MSH4: variants seen among roughly 807,000 people sequenced by gnomAD.
The protein encoded by MSH4 is mutS homolog 4.
Under a neutral mutation model 113.7 loss-of-function variants are expected in MSH4, and 106 were observed. The observed-to-expected ratio is 0.93, with a 90% CI of 0.80 to 1.10. The LOEUF (loss-of-function observed/expected upper bound fraction) is 1.10. MSH4 is among the 50% of genes least tolerant of loss of function. The pLI is 0.00. For missense variants in MSH4, 1,061 were observed against 1,093.7 expected, an observed-to-expected ratio of 0.97 and a Z score of 0.42; for synonymous variants, 368 against 380.2, an observed-to-expected ratio of 0.97 and a Z score of 0.37.
At chr1:75,903,737 G>A (rs11161852) in intron 19 of MSH4, among the ~76,000 whole-genome samples, 40,443 of 151,836 alleles carry the variant, frequency 0.27, 6,949 homozygotes, top group East Asian at 0.69. Flanking sequence ...CACTATTGAC[G>A]TATACAAATG....
chr1:75,878,441 A>C, intron 11 of MSH4, 123 bp downstream of exon 11: 1 of 758,502 alleles, frequency 1.3e-6, no homozygotes, highest in South Asian at 2.1e-5. Context: ...TTACCAAAAC[A>C]TAAGGTTAGC....
intron 9 of MSH4, among the ~76,000 whole-genome samples, chr1:75,870,926 A>G (rs1651699785): frequency 1.3e-5 from 2 of 152,246 alleles, no homozygotes; most frequent in African/African-American, 4.8e-5. Flanking sequence ...AAACTTTGGT[A>G]TGTCAAAAGC....
At chr1:75,859,455 C>T (rs1050756591) in intron 8 of MSH4, among the ~76,000 whole-genome samples, 3 of 152,080 alleles carry the variant, frequency 2.0e-5, no homozygotes, top group South Asian at 2.1e-4. Flanking sequence ...GATTCTGGTA[C>T]GTTGTGTCTT....
In MSH4 at chr1:75,803,960, A is replaced by G. The variant is rs370839813; in HGVS notation, c.427+47A>G. 62 of 1,304,708 alleles carry G rather than the reference A, an allele frequency of 4.8e-5. No homozygotes were observed. In the East Asian group the frequency reaches 7.0e-4, roughly 15 times the overall value. The allele number at this position is 1,304,708 out of a possible 1,614,324, so 80.8% of individuals were successfully genotyped here. On this transcript the variant is annotated intron_variant, in intron 2 of 19. Transcript: ENST00000263187. ...CCTAGATGATGTTTTGAAACTTAAA[A>G]GTTTTATAAATTATAAATTAGGGTT...
chr1:75,870,488 A>C (rs1006498131), intron 9 of MSH4, among the ~76,000 whole-genome samples: 15 of 152,260 alleles, frequency 9.9e-5, no homozygotes, highest in African/African-American at 3.4e-4. Flanking sequence ...CTTGAGTTGT[A>C]ATAATCCCCA....
chr1:75,823,103 G>A (rs1650458512), intron 7 of MSH4, among the ~76,000 whole-genome samples: 1 of 152,130 alleles, frequency 6.6e-6, no homozygotes, highest in East Asian at 1.9e-4. Flanking sequence ...CTAGCTTTTG[G>A]TGGTCGCTGT....
intron 7 of MSH4, among the ~76,000 whole-genome samples, chr1:75,826,276 T>A (rs1650550300): frequency 6.7e-6 from 1 of 149,146 alleles, no homozygotes; most frequent in South Asian, 2.1e-4. Flanking sequence ...TATTCTCTGA[T>A]GTTAGTTTGT....
Position 75,837,348 on chromosome 1 carries a change from C to G in MSH4, c.1163-10861C>G, listed in dbSNP as rs143662658. ...GGAATAAGAGCATTTGTTAGGTGTTCCTCAATCACCTGAAACTTAATGTAC... is the reference window on the plus strand; with the variant it reads ...GGAATAAGAGCATTTGTTAGGTGTTGCTCAATCACCTGAAACTTAATGTAC... On this transcript the variant is annotated intron_variant, in intron 7 of 19. Transcript: ENST00000263187. Among the ~76,000 whole-genome samples the G allele has an allele frequency of 6.3e-3, 948 of 150,110 alleles. 14 individuals are homozygous for G. Among genetic ancestry groups the G allele is most frequent in the Admixed American group, 0.035 (527 of 15,028 alleles).
At position 75,889,259 on chromosome 1, in the gene MSH4, G is replaced by A; in HGVS notation, c.2116G>A (p.Val706Ile). The change falls in exon 16 of 20, where the codon GTT becomes ATT. Residue 706 changes from valine to isoleucine, a missense_variant. By Grantham distance (29) the Val-to-Ile change is conservative (BLOSUM62 3). Transcript: ENST00000263187. Reference protein sequence around the residue: ...CQIMAQIGSYVPAEYSSFRIA... With the variant: ...CQIMAQIGSYIPAEYSSFRIA... ...GACCTTATATTTTACAGGATCATAT[G>A]TTCCAGCAGAATATTCTTCCTTTAG... 7.0e-7 allele frequency: 1 copy of A among 1,427,892 alleles called. No homozygotes were observed. Among genetic ancestry groups the A allele is most frequent in the Admixed American group, 1.8e-5 (1 of 54,184 alleles). The allele number at this position is 1,427,892 out of a possible 1,614,324, so 88.5% of individuals were successfully genotyped here. A position where few individuals can be genotyped will look rare whatever the true frequency, so the allele number is the denominator to read the frequency against.
intron 18 of MSH4, among the ~76,000 whole-genome samples, chr1:75,898,882 T>C (rs1454099817): frequency 2.6e-5 from 4 of 152,334 alleles, no homozygotes; most frequent in South Asian, 2.1e-4. Flanking sequence ...TATCAGATGT[T>C]TAAAATTTAT....
At position 75,864,945 on chromosome 1, in the gene MSH4, T is replaced by C. The variant is rs5745422; in HGVS notation, c.1231-2569T>C. 2.5e-3 allele frequency among the ~76,000 whole-genome samples: 376 copies of C among 152,260 alleles called. 2 individuals are homozygous for C. The highest frequency in any genetic ancestry group is 8.8e-3 in the African/African-American group (367 of 41,554). On this transcript the variant is annotated intron_variant, in intron 8 of 19. Transcript: ENST00000263187. ...AGGCTGGAGGGTATTAGGGAATTGA[T>C]GCCCTGGCAACAGCTCTTAACCAAC...
chr1:75,832,652 A>C (rs1322602126), intron 7 of MSH4, among the ~76,000 whole-genome samples: 1 of 152,276 alleles, frequency 6.6e-6, no homozygotes, highest in East Asian at 1.9e-4. Context: ...CAATATACGT[A>C]ATCCATCACA....
intron 17 of MSH4, among the ~76,000 whole-genome samples, chr1:75,891,284 T>C (rs1219878228): frequency 6.6e-6 from 1 of 152,126 alleles, no homozygotes; most frequent in Non-Finnish European, 1.5e-5. Flanking sequence ...TGATTTTTGC[T>C]CTATTAAATT....
At chr1:75,835,855 T>A (rs940259458) in intron 7 of MSH4, among the ~76,000 whole-genome samples, 1 of 152,222 alleles carries the variant, frequency 6.6e-6, no homozygotes, top group African/African-American at 2.4e-5. Context: ...TGCCCAGTAC[T>A]GTGCTGAGAC....
chr1:75,816,269 G>C, intron 5 of MSH4, 104 bp from the exon 6 acceptor site: 1 of 696,640 alleles, frequency 1.4e-6, no homozygotes, highest in Non-Finnish European at 2.1e-6. Context: ...TTTTCCTTTT[G>C]AGTTTAAGCA....
At chr1:75,876,644 A>T (rs2100568993) in intron 9 of MSH4, among the ~76,000 whole-genome samples, 1 of 152,230 alleles carries the variant, frequency 6.6e-6, no homozygotes, top group South Asian at 2.1e-4. Flanking sequence ...TAGTTGTTTA[A>T]GTACCTATAT....
intron 8 of MSH4, among the ~76,000 whole-genome samples, chr1:75,854,320 C>T (rs2100550787): frequency 6.6e-6 from 1 of 152,142 alleles, no homozygotes; most frequent in Non-Finnish European, 1.5e-5. Context: ...CAGATACCAT[C>T]TTCACTCTGC....
intron 3 of MSH4, among the ~76,000 whole-genome samples, 175 bp downstream of exon 3, chr1:75,807,316 A>C (rs1650092099): frequency 6.6e-6 from 1 of 152,198 alleles, no homozygotes; most frequent in South Asian, 2.1e-4. Flanking sequence ...TTATTTTTTA[A>C]ATATATTTTG....
intron 8 of MSH4, among the ~76,000 whole-genome samples, chr1:75,863,722 C>T (rs1272101900): frequency 6.6e-6 from 1 of 152,146 alleles, no homozygotes; most frequent in East Asian, 1.9e-4. Context: ...GCTCATCATG[C>T]TTGACCTAGC....
Sources: gnomAD v4.1 joint callset for allele counts (sites outside exome capture counted in the v4.1 genomes callset) on GRCh38, gnomAD v4.1.1 for gene constraint, MANE v1.5 for transcripts, NCBI Gene and HGNC (gene_info 2026-07-23, HGNC 2026-07-21) for gene names.